SMOC1: variants seen among roughly 807,000 people sequenced by gnomAD.
SMOC1 encodes SPARC-related modular calcium-binding protein 1.
A neutral mutation model predicts 56.3 loss-of-function variants in SMOC1; 22 were observed. That is an observed-to-expected ratio of 0.39 (90% CI 0.28 to 0.56). The LOEUF (loss-of-function observed/expected upper bound fraction) is 0.56. Ranked by LOEUF, SMOC1 falls within the 20% of genes least tolerant of loss-of-function variation. The pLI is 0.61. For missense variants in SMOC1, 509 were observed against 565.4 expected (o/e 0.90, Z 1.01); for synonymous variants, 193 against 215.0 (o/e 0.90, Z 0.89).
intron 3 of SMOC1, among the ~76,000 whole-genome samples, chr14:69,966,082 T>C (rs1392319261): frequency 6.6e-6 from 1 of 152,242 alleles, no homozygotes; most frequent in Admixed American, 6.5e-5. Flanking sequence ...AGGCCACTTT[T>C]GTCTTCCCCA....
At chr14:69,893,582 T>G (rs1408417254) in intron 1 of SMOC1, among the ~76,000 whole-genome samples, 3 of 151,826 alleles carry the variant, frequency 2.0e-5, no homozygotes, top group African/African-American at 7.3e-5. Context: ...AATTGGGAGG[T>G]TTTTTGGATG....
intron 10 of SMOC1, among the ~76,000 whole-genome samples, chr14:70,017,428 G>T (rs74061024): frequency 0.018 from 2,745 of 152,308 alleles, 72 homozygotes; most frequent in African/African-American, 0.062. Flanking sequence ...GGCATTCTGA[G>T]TTTTGGCCTT....
rs577665235 is a variant in SMOC1 at position 70,011,371 on chromosome 14, C to T, written c.858-114C>T. On this transcript the variant is annotated intron_variant, in intron 8 of 11. Transcript: ENST00000361956. ...GGCAGCGCAAGAGATATCGTTCTGC[C>T]CACCCTCAGTGCTTTAGGCTTGGTG... 1.1e-3 allele frequency: 1,122 copies of T among 1,005,268 alleles called. 9 individuals are homozygous for T. The highest frequency in any genetic ancestry group is 0.01 in the Middle Eastern group (50 of 4,898). 62.3% of individuals were successfully genotyped at this position (1,005,268 alleles called of 1,614,324 possible).
intron 1 of SMOC1, among the ~76,000 whole-genome samples, chr14:69,938,027 T>G (rs1460647414): frequency 6.6e-6 from 1 of 152,204 alleles, no homozygotes; most frequent in Non-Finnish European, 1.5e-5. Flanking sequence ...GTGCTGTGGA[T>G]AAAGCATTTC....
At chr14:70,004,903 C>G (rs1373185604) in intron 7 of SMOC1, among the ~76,000 whole-genome samples, 1 of 152,216 alleles carries the variant, frequency 6.6e-6, no homozygotes, top group South Asian at 2.1e-4. Flanking sequence ...CCACCCGTCT[C>G]CCCCTTTGAC....
chr14:69,952,723 A>G (rs982562186), intron 2 of SMOC1, among the ~76,000 whole-genome samples: 9 of 152,248 alleles, frequency 5.9e-5, no homozygotes, highest in Non-Finnish European at 1.3e-4. Flanking sequence ...TTCAAAGAAA[A>G]AAAATCTGGC....
chr14:69,961,871 G>A (rs748519886), intron 3 of SMOC1, among the ~76,000 whole-genome samples: 11 of 152,044 alleles, frequency 7.2e-5, no homozygotes, highest in Non-Finnish European at 1.0e-4. Flanking sequence ...CATTCCCACC[G>A]GCAATGTATG....
intron 1 of SMOC1, among the ~76,000 whole-genome samples, chr14:69,886,312 A>G (rs529282691): frequency 6.6e-6 from 1 of 152,332 alleles, no homozygotes; most frequent in African/African-American, 2.4e-5. Flanking sequence ...GTTTTGTTAA[A>G]TGAACAAATC....
At chr14:69,980,924 T>C (rs922513967) in intron 5 of SMOC1, among the ~76,000 whole-genome samples, 3 of 152,156 alleles carry the variant, frequency 2.0e-5, no homozygotes, top group Non-Finnish European at 4.4e-5. Context: ...GCCTCTTGCC[T>C]TTTTGAATAT....
intron 1 of SMOC1, among the ~76,000 whole-genome samples, chr14:69,918,902 A>AG (rs1440960937): frequency 6.6e-6 from 1 of 152,188 alleles, no homozygotes; most frequent in Non-Finnish European, 1.5e-5. Context: ...CATACAACCC[A>AG]GGCAAATGGT....
At chr14:69,903,128 G>A (rs1195760921) in intron 1 of SMOC1, among the ~76,000 whole-genome samples, 1 of 151,866 alleles carries the variant, frequency 6.6e-6, no homozygotes, top group Non-Finnish European at 1.5e-5. Context: ...AGTCTGGGAA[G>A]TGAGGACCGC....
intron 1 of SMOC1, among the ~76,000 whole-genome samples, chr14:69,944,986 A>G (rs1445265861): frequency 2.6e-5 from 4 of 152,236 alleles, no homozygotes; most frequent in Non-Finnish European, 5.9e-5. Context: ...AGGAACAAAT[A>G]CCTTTAATCA....
chr14:69,942,259 C>T (rs1170258226), intron 1 of SMOC1, among the ~76,000 whole-genome samples: 1 of 151,648 alleles, frequency 6.6e-6, no homozygotes, highest in Non-Finnish European at 1.5e-5. Context: ...TTTTCATAAT[C>T]CTCAATGTAC....
At chr14:69,902,742 G>C (rs12891712) in intron 1 of SMOC1, among the ~76,000 whole-genome samples, 2 of 151,718 alleles carry the variant, frequency 1.3e-5, no homozygotes, top group African/African-American at 4.8e-5. Flanking sequence ...TCAGCCTGCC[G>C]AGTGCCTGCG....
At position 69,955,398 on chromosome 14, in the gene SMOC1, A is replaced by G. The variant is rs1434036346; in HGVS notation, c.378+1866A>G. On this transcript the variant is annotated intron_variant, in intron 3 of 11. Transcript: ENST00000361956. ...TCTGGGGTCAGAATTTCCTTATCTG[A>G]AAAGTGGAGATTGATTATTATGATT... 5.3e-5 allele frequency among the ~76,000 whole-genome samples: 8 copies of G among 152,144 alleles called. No individual in the cohort carries two copies. In the East Asian group the frequency reaches 1.5e-3, roughly 29 times the overall value.
chr14:70,013,611 C>A, intron 10 of SMOC1, 120 bp downstream of exon 10: 1 of 854,094 alleles, frequency 1.2e-6, no homozygotes, highest in East Asian at 2.5e-5. Flanking sequence ...GGAAGTTGAT[C>A]TTTTTCCTGA....
chr14:70,005,244 T>C (rs1885110595), intron 7 of SMOC1, among the ~76,000 whole-genome samples: 1 of 152,234 alleles, frequency 6.6e-6, no homozygotes, highest in South Asian at 2.1e-4. Context: ...AACTCTGGGC[T>C]AAAATCAAGT....
chr14:69,938,694 G>A (rs183367748), intron 1 of SMOC1, among the ~76,000 whole-genome samples: 5 of 152,286 alleles, frequency 3.3e-5, no homozygotes, highest in African/African-American at 7.2e-5. Context: ...TGTCGGTGGC[G>A]TGAGGGTCTC....
At chr14:70,014,257 C>T (rs1293769565) in intron 10 of SMOC1, among the ~76,000 whole-genome samples, 1 of 152,266 alleles carries the variant, frequency 6.6e-6, no homozygotes. Flanking sequence ...TAGATACTTA[C>T]AAAATCTGTG....
Sources: allele counts gnomAD v4.1 joint callset (sites outside exome capture counted in the v4.1 genomes callset), GRCh38; gene constraint gnomAD v4.1.1; transcripts MANE v1.5; gene names NCBI Gene and HGNC (gene_info 2026-07-23, HGNC 2026-07-21).